Variants in WNT7A observed in about 807,000 individuals in gnomAD.
WNT7A encodes Wnt family member 7A, also known as protein Wnt-7a.
WNT7A carries 16 observed loss-of-function variants against 28.2 expected under a neutral mutation model. The ratio of observed to expected loss-of-function variants is 0.57; its 90% CI spans 0.38 to 0.86. The LOEUF (loss-of-function observed/expected upper bound fraction) is 0.86. Ranked by LOEUF, WNT7A falls within the 40% of genes least tolerant of loss-of-function variation. The pLI, the probability that WNT7A is intolerant of heterozygous loss-of-function variation, is 0.00. For missense variants in WNT7A, 411 were observed against 489.7 expected, an observed-to-expected ratio of 0.84 and a Z score of 1.52; for synonymous variants, 190 against 195.9, an observed-to-expected ratio of 0.97 and a Z score of 0.25.
intron 2 of WNT7A, among the ~76,000 whole-genome samples, chr3:13,871,815 C>T (rs116196588): frequency 0.023 from 3,520 of 152,240 alleles, 80 homozygotes; most frequent in Middle Eastern, 0.071. Flanking sequence ...AACCCAAAGT[C>T]GGATACTGTC....
At position 13,868,592 on chromosome 3, in the gene WNT7A, G is replaced by GAAGAA. The variant is rs1559306974; in HGVS notation, c.298+6354_298+6355insTTCTT. Among the ~76,000 whole-genome samples, 9 of 16,918 alleles carry GAAGAA rather than the reference G, an allele frequency of 5.3e-4. 1 individual carries two copies. The highest frequency in any genetic ancestry group is 2.7e-3 in the African/African-American group (8 of 2,988). The allele number at this position is 16,918 out of a possible 152,430, so 11.1% of individuals were successfully genotyped here. A position where few individuals can be genotyped will look rare whatever the true frequency, so the allele number is the denominator to read the frequency against. ...AGAGAGAGAGAGAGAGAGAGAGAGG[G>GAAGAA]AGAAAGAAAGAAAGAAAGAGAGAGA... On this transcript the variant is annotated intron_variant, in intron 2 of 3. Coordinates refer to ENST00000285018, the MANE Select transcript of WNT7A (RefSeq NM_004625.4).
chr3:13,859,872 A>G (rs187932109), intron 2 of WNT7A, among the ~76,000 whole-genome samples: 2 of 152,348 alleles, frequency 1.3e-5, no homozygotes, highest in East Asian at 3.9e-4. Context: ...CTAGGAAAGC[A>G]ACCCTCAAGG....
chr3:13,826,378 G>A (rs2124831103), intron 3 of WNT7A, among the ~76,000 whole-genome samples: 1 of 152,306 alleles, frequency 6.6e-6, no homozygotes, highest in South Asian at 2.1e-4. Context: ...TCTCAAGGAA[G>A]CCTCCCCCAA....
At chr3:13,824,845 C>G (rs1472461432) in intron 3 of WNT7A, among the ~76,000 whole-genome samples, 2 of 152,134 alleles carry the variant, frequency 1.3e-5, no homozygotes, top group Non-Finnish European at 2.9e-5. Context: ...CTCACAGGGA[C>G]CTTATCTGAA....
intron 2 of WNT7A, among the ~76,000 whole-genome samples, chr3:13,856,960 AAGAAGAAGG>A (rs1360640702): frequency 9.4e-5 from 11 of 117,530 alleles, no homozygotes; most frequent in African/African-American, 2.1e-4. Flanking sequence ...GAAGAAGAAG[AAGAAGAAGG>A]AGAAGAAGAA....
chr3:13,828,034 A>G (rs1694224232), intron 3 of WNT7A, among the ~76,000 whole-genome samples: 1 of 147,706 alleles, frequency 6.8e-6, no homozygotes, highest in African/African-American at 2.5e-5. Flanking sequence ...TAGCAAGCCC[A>G]GTGAGACCTT....
chr3:13,868,753 G>GAAAGAAAGAAAGAAAGAAAGAAAGAAA (rs1694965410), intron 2 of WNT7A, among the ~76,000 whole-genome samples: 1 of 143,468 alleles, frequency 7.0e-6, no homozygotes, highest in African/African-American at 2.7e-5. Context: ...AAGAAAGAAA[G>GAAAGAAAGAAAGAAAGAAAGAAAGAAA]GAGGGAAGGG....
rs192753884 is a variant in WNT7A at position 13,852,104 on chromosome 3, C to T, written c.570+2428G>A. ...GACCTGTGAGGGCAGGACGCCCCTGCAGCATTTATTCTCCTTCGACTGCCA... is the reference window on the plus strand; with the variant it reads ...GACCTGTGAGGGCAGGACGCCCCTGTAGCATTTATTCTCCTTCGACTGCCA... On this transcript the variant is annotated intron_variant, in intron 3 of 3. Coordinates refer to ENST00000285018, the MANE Select transcript of WNT7A (RefSeq NM_004625.4). Among the ~76,000 whole-genome samples the T allele has an allele frequency of 4.5e-3, 678 of 152,354 alleles. 4 individuals carry two copies. Among genetic ancestry groups the T allele is most frequent in the Non-Finnish European group, 3.7e-3 (249 of 68,036 alleles).
chr3:13,878,536 G>A (rs1483096870), intron 1 of WNT7A, among the ~76,000 whole-genome samples: 1 of 152,178 alleles, frequency 6.6e-6, no homozygotes, highest in African/African-American at 2.4e-5. Context: ...TCGGGCTGGC[G>A]GCCCCTGGTC....
intron 3 of WNT7A, among the ~76,000 whole-genome samples, chr3:13,820,787 G>T (rs938584015): frequency 7.9e-5 from 12 of 152,110 alleles, no homozygotes; most frequent in African/African-American, 2.2e-4. Flanking sequence ...ACCAGTGTTT[G>T]GTCAACAGAA....
chr3:13,878,200 CG>C (rs1256609520), intron 1 of WNT7A, among the ~76,000 whole-genome samples: 2 of 152,202 alleles, frequency 1.3e-5, no homozygotes, highest in East Asian at 3.9e-4. Context: ...GAGGGCGGCC[CG>C]CGGGCGGGCG....
chr3:13,867,551 C>T (rs190133942), intron 2 of WNT7A, among the ~76,000 whole-genome samples: 26 of 152,264 alleles, frequency 1.7e-4, no homozygotes, highest in East Asian at 3.9e-4. Flanking sequence ...AATGAAGTGA[C>T]GGATGAGAAA....
At chr3:13,843,643 C>T (rs1694495716) in intron 3 of WNT7A, among the ~76,000 whole-genome samples, 1 of 151,834 alleles carries the variant, frequency 6.6e-6, no homozygotes, top group African/African-American at 2.4e-5. Context: ...CACAATTACA[C>T]TGCTCACCTG....
At chr3:13,859,653 A>G (rs1365679411) in intron 2 of WNT7A, among the ~76,000 whole-genome samples, 1 of 152,158 alleles carries the variant, frequency 6.6e-6, no homozygotes, top group African/African-American at 2.4e-5. Flanking sequence ...CTTTGAAGAT[A>G]AGCACTTTGT....
chr3:13,864,355 C>G (rs1328836627), intron 2 of WNT7A, among the ~76,000 whole-genome samples: 1 of 152,168 alleles, frequency 6.6e-6, no homozygotes, highest in African/African-American at 2.4e-5. Context: ...CCTCCCTACG[C>G]TACGCCCTGC....
At chr3:13,846,733 C>A (rs1694542924) in intron 3 of WNT7A, among the ~76,000 whole-genome samples, 1 of 152,130 alleles carries the variant, frequency 6.6e-6, no homozygotes, top group Non-Finnish European at 1.5e-5. Flanking sequence ...CCTGGTCCTG[C>A]CTGCCACCCT....
At chr3:13,824,492 C>T (rs982182614) in intron 3 of WNT7A, among the ~76,000 whole-genome samples, 2 of 152,220 alleles carry the variant, frequency 1.3e-5, no homozygotes, top group African/African-American at 2.4e-5. Context: ...ATTTTATCCA[C>T]GCATCCATCG....
chr3:13,835,830 G>A (rs1694359056), intron 3 of WNT7A, among the ~76,000 whole-genome samples: 1 of 152,208 alleles, frequency 6.6e-6, no homozygotes, highest in Non-Finnish European at 1.5e-5. Context: ...ACAATGAAAC[G>A]TTATTCAGCC....
intron 3 of WNT7A, among the ~76,000 whole-genome samples, chr3:13,832,847 G>C (rs917498647): frequency 1.3e-5 from 2 of 152,182 alleles, no homozygotes; most frequent in Non-Finnish European, 2.9e-5. Flanking sequence ...ACTCAAGCCA[G>C]AGAGAGGTTT....
Sources: gnomAD v4.1 joint callset for allele counts (sites outside exome capture counted in the v4.1 genomes callset) on GRCh38, gnomAD v4.1.1 for gene constraint, MANE v1.5 for transcripts, NCBI Gene and HGNC (gene_info 2026-07-23, HGNC 2026-07-21) for gene names.